CSMD1: variants seen among roughly 807,000 people sequenced by gnomAD.
The protein encoded by CSMD1 is CUB and Sushi multiple domains 1.
In CSMD1, 213 loss-of-function variants were observed where a neutral mutation model predicts 417.5. The observed-to-expected ratio is 0.51, with a 90% CI of 0.46 to 0.57. CSMD1 has a LOEUF of 0.57. Among genes scored for constraint, CSMD1 ranks in the 20% least tolerant of loss-of-function variants. The pLI is 0.00. For synonymous variants in CSMD1, 2,862 were observed against 1,736.8 expected, an observed-to-expected ratio of 1.65 and a Z score of -16.11; for missense variants, 6,923 against 4,529.7, an observed-to-expected ratio of 1.53 and a Z score of -15.17.
chr8:4,851,562 C>T (rs916408572), intron 1 of CSMD1, among the ~76,000 whole-genome samples: 2 of 152,040 alleles, frequency 1.3e-5, no homozygotes, highest in Non-Finnish European at 2.9e-5. Context: ...GGTTCAGAAC[C>T]TATGACCTGT....
chr8:3,899,430 G>A (rs953369462), intron 5 of CSMD1, among the ~76,000 whole-genome samples: 1 of 152,176 alleles, frequency 6.6e-6, no homozygotes, highest in East Asian at 1.9e-4. Context: ...TTGGCCACAG[G>A]GATTGTACGT....
intron 5 of CSMD1, among the ~76,000 whole-genome samples, chr8:3,846,807 G>T (rs1300765415): frequency 6.6e-6 from 1 of 152,128 alleles, no homozygotes; most frequent in African/African-American, 2.4e-5. Context: ...CCAAGTAGCT[G>T]GGATTACAGG....
At chr8:3,628,183 T>C (rs899682620) in intron 7 of CSMD1, among the ~76,000 whole-genome samples, 74 of 152,182 alleles carry the variant, frequency 4.9e-4, no homozygotes, top group Non-Finnish European at 8.8e-5. Context: ...ATCTCTACCA[T>C]TGTAACAACG....
chr8:4,402,190 G>T (rs1056884189), intron 3 of CSMD1, among the ~76,000 whole-genome samples: 2 of 151,972 alleles, frequency 1.3e-5, no homozygotes, highest in African/African-American at 4.8e-5. Context: ...CTCCAAAATT[G>T]CGACTTTCTG....
intron 2 of CSMD1, among the ~76,000 whole-genome samples, chr8:4,588,690 C>G (rs1799830565): frequency 6.6e-6 from 1 of 151,862 alleles, no homozygotes; most frequent in African/African-American, 2.4e-5. Flanking sequence ...GAGGCTGAGG[C>G]ACAAGAATCG....
At chr8:4,869,186 T>C (rs770920270) in intron 1 of CSMD1, among the ~76,000 whole-genome samples, 43 of 151,900 alleles carry the variant, frequency 2.8e-4, no homozygotes, top group Non-Finnish European at 5.9e-4. Context: ...AATAATAATT[T>C]TGTACACCTG....
At chr8:4,123,644 T>C (rs539413270) in intron 3 of CSMD1, among the ~76,000 whole-genome samples, 2 of 152,322 alleles carry the variant, frequency 1.3e-5, no homozygotes, top group South Asian at 2.1e-4. Flanking sequence ...ACATTGGAAA[T>C]GGGAACTGGT....
chr8:3,068,424 G>A (rs984539409), intron 49 of CSMD1, among the ~76,000 whole-genome samples: 2 of 152,044 alleles, frequency 1.3e-5, no homozygotes, highest in Non-Finnish European at 2.9e-5. Context: ...GGAAACTAAG[G>A]AAAAGTCTGT....
intron 3 of CSMD1, among the ~76,000 whole-genome samples, chr8:4,230,859 AGATTC>A (rs1490644457): frequency 2.0e-5 from 3 of 152,150 alleles, no homozygotes; most frequent in Non-Finnish European, 4.4e-5. Context: ...AATCGATTAT[AGATTC>A]TTTAACGGCA....
At position 3,772,226 on chromosome 8, in the gene CSMD1, C is replaced by G. The variant is rs1460391828; in HGVS notation, c.819-18184G>C. On this transcript the variant is annotated intron_variant, in intron 5 of 69. Transcript: ENST00000635120. ...CACACACACACACACATATAATACA[C>G]ACACATATTTATATATAGATATATA... 3.6e-5 allele frequency among the ~76,000 whole-genome samples: 5 copies of G among 137,446 alleles called. 1 individual carries two copies. In the East Asian group the frequency reaches 8.6e-4, roughly 24 times the overall value. The allele number at this position is 137,446 out of a possible 152,430, so 90.2% of individuals were successfully genotyped here.
intron 8 of CSMD1, among the ~76,000 whole-genome samples, chr8:3,610,439 G>C (rs1563197509): frequency 7.3e-6 from 1 of 137,800 alleles, no homozygotes; most frequent in African/African-American, 2.7e-5. Context: ...GGAGATCGAA[G>C]TGGGACGATC....
At chr8:4,704,234 C>T (rs189126011) in intron 1 of CSMD1, among the ~76,000 whole-genome samples, 65 of 152,312 alleles carry the variant, frequency 4.3e-4, no homozygotes, top group African/African-American at 1.6e-3. Flanking sequence ...AAGTCATTTG[C>T]ATTTGTAATC....
intron 3 of CSMD1, among the ~76,000 whole-genome samples, chr8:4,152,888 CTT>C (rs772048951): frequency 3.3e-5 from 5 of 152,220 alleles, no homozygotes; most frequent in South Asian, 4.1e-4. Flanking sequence ...TCAAATTAGA[CTT>C]AAGATTTTTC....
intron 1 of CSMD1, among the ~76,000 whole-genome samples, chr8:4,770,614 G>A (rs1371002574): frequency 6.6e-6 from 1 of 152,008 alleles, no homozygotes; most frequent in African/African-American, 2.4e-5. Context: ...ATAAGAAAAG[G>A]CACATGGACC....
intron 1 of CSMD1, among the ~76,000 whole-genome samples, chr8:4,893,090 C>T (rs1268316468): frequency 1.3e-5 from 2 of 152,110 alleles, no homozygotes; most frequent in Admixed American, 1.3e-4. Flanking sequence ...GGGCTCGTCA[C>T]TGGATATTAT....
At chr8:4,363,418 G>C (rs745350113) in intron 3 of CSMD1, among the ~76,000 whole-genome samples, 16 of 152,160 alleles carry the variant, frequency 1.1e-4, no homozygotes, top group Non-Finnish European at 1.3e-4. Context: ...TGGCCTCCAG[G>C]ATTTTATTCC....
intron 1 of CSMD1, among the ~76,000 whole-genome samples, chr8:4,775,662 G>A (rs887529706): frequency 1.2e-4 from 19 of 152,126 alleles, no homozygotes; most frequent in Non-Finnish European, 2.5e-4. Flanking sequence ...ATCATCTTAT[G>A]CTGTTTAAGA....
At chr8:3,908,942 G>C (rs138775406) in intron 5 of CSMD1, among the ~76,000 whole-genome samples, 17 of 152,302 alleles carry the variant, frequency 1.1e-4, no homozygotes, top group African/African-American at 3.8e-4. Context: ...CTGGCAAACA[G>C]GGCTCCTTCA....
At chr8:4,197,356 C>T (rs765441023) in intron 3 of CSMD1, among the ~76,000 whole-genome samples, 6 of 152,126 alleles carry the variant, frequency 3.9e-5, no homozygotes, top group Non-Finnish European at 7.4e-5. Context: ...TTTGGTCAGA[C>T]ATTATTGTGG....
Sources: gnomAD v4.1 joint callset for allele counts (sites outside exome capture counted in the v4.1 genomes callset) on GRCh38, gnomAD v4.1.1 for gene constraint, MANE v1.5 for transcripts, NCBI Gene and HGNC (gene_info 2026-07-23, HGNC 2026-07-21) for gene names.